The following TTK variants were observed in gnomAD, a reference collection of about 807,000 sequenced individuals.
TTK encodes TTK protein kinase.
In TTK, 59 loss-of-function variants were observed where a neutral mutation model predicts 117.3. The ratio of observed to expected loss-of-function variants is 0.50; its 90% confidence interval spans 0.41 to 0.62. TTK has a LOEUF of 0.62. TTK is among the 20% of genes least tolerant of loss of function. The pLI, the probability that TTK is intolerant of heterozygous loss-of-function variation, is 0.00. For missense variants in TTK, 921 were observed against 989.4 expected, an observed-to-expected ratio of 0.93 and a Z score of 0.93; for synonymous variants, 302 against 325.0, an observed-to-expected ratio of 0.93 and a Z score of 0.76.
At chr6:80,020,442 TCTCAA>T (rs1402202454) in intron 10 of TTK, among the ~76,000 whole-genome samples, 2 of 152,164 alleles carry the variant, frequency 1.3e-5, no homozygotes, top group Non-Finnish European at 2.9e-5. Context: ...GTGAGTTTTA[TCTCAA>T]CTCAACTAGC....
rs1767155521 is a variant in TTK, at chr6:80,011,566, GT to G, written c.728+23del. The G allele has an allele frequency of 1.3e-6, 2 of 1,583,574 alleles. No homozygotes were observed. Among genetic ancestry groups the G allele is most frequent in the South Asian group, 2.3e-5 (2 of 86,526 alleles). On this transcript the variant is annotated intron_variant, in intron 6 of 21. Transcript: ENST00000369798. ...TTATATGGGTAAGGAAACGGAAACAGTTTTTAAATGTTCATCTTCTATGTAA... is the reference window on the plus strand; with the variant it reads ...TTATATGGGTAAGGAAACGGAAACAGTTTTAAATGTTCATCTTCTATGTAA...
chr6:80,008,929 CTGTGTGTGTGTGTGTGTGTG>C (rs3049166), intron 4 of TTK, among the ~76,000 whole-genome samples: 2 of 142,300 alleles, frequency 1.4e-5, no homozygotes, highest in African/African-American at 2.6e-5. Flanking sequence ...AACTATATAT[CTGTGTGTGTGTGTGTGTGTG>C]TGTGTGTGTG....
At position 80,014,533 on chromosome 6, in the gene TTK, A is replaced by G. The variant is rs764440902; in HGVS notation, c.1055A>G (p.Asp352Gly). 11 of 1,608,992 alleles carry G rather than the reference A, an allele frequency of 6.8e-6. No individual in the cohort carries two copies. The highest frequency in any genetic ancestry group is 1.7e-5 in the Admixed American group (1 of 59,558). The stretch of plus-strand genomic sequence containing the variant: ...AAGAGTTCTGAACTTATTATTACTG[A>G]TTCAATAACCCTGAAGAATAAAACG... ...DEKSSELIIT[D>G]SITLKNKTES... Residue 352 changes from aspartate (D) to glycine (G), a missense_variant, in exon 10 of 22, where the codon GAT becomes GGT. Physicochemically the swap from Asp to Gly is moderately conservative, Grantham distance 94. Coordinates refer to ENST00000369798, the MANE Select transcript of TTK (RefSeq NM_003318.5).
At position 80,011,508 on chromosome 6, in the gene TTK, G is replaced by A; in HGVS notation, c.688G>A (p.Asp230Asn). Residue 230 changes from aspartate to asparagine, a missense_variant, in exon 6 of 22, where the codon GAT (aspartate) becomes AAT (asparagine). Transcript: ENST00000369798. ...TTTACAGAATAGGAACAACAGTTGT[G>A]ATTCCAGAGGACAGACTACTAAAGC... ...GHLQNRNNSC[D>N]SRGQTTKARF... 1 of 1,609,144 alleles carries A rather than the reference G, an allele frequency of 6.2e-7. No individual in the cohort carries two copies. The highest frequency in any genetic ancestry group is 8.5e-7 in the Non-Finnish European group (1 of 1,178,140).
At chr6:80,033,231 CT>C (rs1464405643) in intron 14 of TTK, among the ~76,000 whole-genome samples, 1 of 152,106 alleles carries the variant, frequency 6.6e-6, no homozygotes, top group Non-Finnish European at 1.5e-5. Flanking sequence ...AGGTATTTGT[CT>C]TTCTGTATTT....
rs547856836 is a variant in TTK at position 80,022,468 on chromosome 6, C to A, written c.1253C>A (p.Thr418Lys). Reference protein sequence around the residue: ...QIPELARKVNTEQKHTTFEQP... With the variant: ...QIPELARKVNKEQKHTTFEQP... ...CCGGAGTTAGCCCGAAAAGTTAATA[C>A]AGAGGTAACTTTTCCACTAAAGTAC... Residue 418 changes from threonine (T) to lysine (K), a missense_variant, in exon 11 of 22, where the codon ACA becomes AAA. By Grantham distance (78) the Thr-to-Lys change is moderately conservative (BLOSUM62 -1). Transcript: ENST00000369798. The A allele has an allele frequency of 1.2e-6, 2 of 1,612,590 alleles. No individual in the cohort carries two copies. The highest frequency in any genetic ancestry group is 2.7e-5 in the African/African-American group (2 of 74,882).
intron 3 of TTK, 151 bp downstream of exon 3, chr6:80,008,182 A>T: frequency 9.4e-7 from 1 of 1,069,488 alleles, no homozygotes. Flanking sequence ...AGACTAATGT[A>T]AACTCTTTTC....
chr6:80,011,064 C>A, intron 5 of TTK, 107 bp downstream of exon 5: 1 of 1,295,222 alleles, frequency 7.7e-7, no homozygotes, highest in Non-Finnish European at 1.0e-6. Flanking sequence ...TGGTTAAAAT[C>A]TAAGATTAAA....
intron 13 of TTK, among the ~76,000 whole-genome samples, chr6:80,030,357 A>C (rs1409111063): frequency 6.6e-6 from 1 of 152,182 alleles, no homozygotes; most frequent in Non-Finnish European, 1.5e-5. Flanking sequence ...ATCAACTGAA[A>C]GTTTGCTGGG....
intron 8 of TTK, 130 bp downstream of exon 8, chr6:80,012,110 T>C: frequency 2.8e-6 from 2 of 724,590 alleles, no homozygotes; most frequent in Non-Finnish European, 4.2e-6. Context: ...AGATAATCTC[T>C]AAATGTTGTC....
chr6:80,035,514 G>A (rs2127682653), intron 16 of TTK, 97 bp downstream of exon 16: 1 of 1,241,452 alleles, frequency 8.1e-7, no homozygotes, highest in East Asian at 2.6e-5. Flanking sequence ...TTGGTTATTG[G>A]TGTCTTTAAC....
chr6:80,015,199 T>TA (rs1383539241), intron 10 of TTK, among the ~76,000 whole-genome samples: 4 of 152,112 alleles, frequency 2.6e-5, no homozygotes, highest in African/African-American at 4.8e-5. Context: ...TGGGAAATAA[T>TA]AGAGTATTTC....
At chr6:80,041,678 A>G (rs867922071) in intron 21 of TTK, among the ~76,000 whole-genome samples, 1 of 151,206 alleles carries the variant, frequency 6.6e-6, no homozygotes, top group African/African-American at 2.4e-5. Flanking sequence ...TCATTTTTAA[A>G]TACATGGATT....
At chr6:80,013,509 C>G in intron 9 of TTK, 143 bp downstream of exon 9, 1 of 637,466 alleles carries the variant, frequency 1.6e-6, no homozygotes, top group South Asian at 2.1e-5. Flanking sequence ...AGCTGTGGGA[C>G]TACGAGTGGG....
At position 80,031,526 on chromosome 6, in the gene TTK, A is replaced by T. The variant is rs1801465; in HGVS notation, c.1581A>T (p.Ile527=). The T allele has an allele frequency of 0.16, 241,807 of 1,536,690 alleles. 20,760 individuals carry two copies. Among genetic ancestry groups the T allele is most frequent in the South Asian group, 0.19 (13,801 of 74,574 alleles). ...CISVKGRIYS[I]LKQIGSGGSS... is the part of the protein sequence containing the mutation. Reference sequence around the variant, plus strand: ...CGGTTAAAGGAAGAATTTATTCCATATTAAAGCAGATAGGAAGTGGAGGTT... The same window carrying T: ...CGGTTAAAGGAAGAATTTATTCCATTTTAAAGCAGATAGGAAGTGGAGGTT... The change falls in exon 14 of 22, where the codon ATA becomes ATT. Residue 527 remains isoleucine (I), a synonymous_variant. Transcript: ENST00000369798.
rs755314310 is a variant in TTK at position 80,026,477 on chromosome 6, A to T, written c.1357A>T (p.Thr453Ser). ...KWFDPKSICK[T>S]PSSNTLDDYM... is the part of the protein sequence containing the mutation. The stretch of plus-strand genomic sequence containing the variant: ...GTTTGACCCAAAATCTATTTGTAAG[A>T]CACCAAGCAGCAATACCTTGGATGA... Residue 453 changes from threonine to serine, a missense_variant, in exon 12 of 22, where the codon ACA (threonine) becomes TCA (serine). By Grantham distance (58) the Thr-to-Ser change is moderately conservative (BLOSUM62 1). Transcript: ENST00000369798. 6.2e-7 allele frequency: 1 copy of T among 1,613,768 alleles called. No individual in the cohort carries two copies. Among genetic ancestry groups the T allele is most frequent in the Non-Finnish European group, 8.5e-7 (1 of 1,179,876 alleles).
chr6:80,020,523 CTG>C (rs1313654565), intron 10 of TTK, among the ~76,000 whole-genome samples: 1 of 152,302 alleles, frequency 6.6e-6, no homozygotes, highest in African/African-American at 2.4e-5. Flanking sequence ...CTTTAGAAGA[CTG>C]TTTAATTTTG....
At position 80,042,317 on chromosome 6, in the gene TTK, C is replaced by A; in HGVS notation, c.*115C>A. 4.0e-6 allele frequency: 3 copies of A among 756,282 alleles called. No individual in the cohort carries two copies. The highest frequency in any genetic ancestry group is 2.8e-5 in the East Asian group (1 of 35,944). 46.8% of individuals were successfully genotyped at this position (756,282 alleles called of 1,614,324 possible). On this transcript the variant is annotated 3_prime_UTR_variant, in exon 22 of 22. Transcript: ENST00000369798. ...CAACATCACTCTGAAGTGTTATCAG[C>A]AAAAAAAATTCAGTAGATTATCTTT...
chr6:80,036,567 C>T lies in TTK; in HGVS notation c.2017C>T (p.Pro673Ser). The T allele has an allele frequency of 6.2e-7, 1 of 1,611,054 alleles. No homozygotes were observed. Among genetic ancestry groups the T allele is most frequent in the Non-Finnish European group, 8.5e-7 (1 of 1,178,522 alleles). The part of the protein sequence containing the change: ...IDFGIANQMQ[P>S]DTTSVVKDSQ... ...TTTTGGGATTGCAAACCAAATGCAA[C>T]CAGATACAACAAGTGTTGTTAAAGA... The change falls in exon 17 of 22, where the codon CCA becomes TCA. Residue 673 changes from proline (P) to serine (S), a missense_variant. Physicochemically the swap from Pro to Ser is moderately conservative, Grantham distance 74 (BLOSUM62 -1). Coordinates refer to ENST00000369798, the MANE Select transcript of TTK (RefSeq NM_003318.5).
Sources: gnomAD v4.1 joint callset for allele counts (sites outside exome capture counted in the v4.1 genomes callset) on GRCh38, gnomAD v4.1.1 for gene constraint, MANE v1.5 for transcripts, NCBI Gene and HGNC (gene_info 2026-07-23, HGNC 2026-07-21) for gene names.